FOXL3: variants seen among roughly 807,000 people sequenced by gnomAD.
FOXL3 encodes forkhead box L3.
Under a neutral mutation model 10.9 loss-of-function variants are expected in FOXL3, and 16 were observed. The ratio of observed to expected loss-of-function variants is 1.46; its 90% CI spans 0.99 to 2.22. The LOEUF (loss-of-function observed/expected upper bound fraction) is 2.22. FOXL3 is among the 30% of genes most tolerant of loss of function. The probability of loss-of-function intolerance (pLI) is 0.00; values close to 1 mark genes in which losing one functional copy is unlikely to be tolerated. For synonymous variants in FOXL3, 170 were observed against 152.0 expected (o/e 1.12, Z -0.87); for missense variants, 400 against 337.9 (o/e 1.18, Z -1.44).
chr7:291,134 G>A lies in FOXL3; in HGVS notation c.348G>A (p.Leu116=). ...YWTFAGGCES[L]LDLFENGNYR... The stretch of plus-strand genomic sequence containing the variant: ...CGTTCGCGGGCGGCTGCGAGTCGCT[G>A]CTGGACCTCTTCGAGAACGGCAACT... Residue 116 remains leucine, a synonymous_variant, in exon 3 of 3, where the codon CTG becomes CTA. Coordinates refer to ENST00000506382, the MANE Select transcript of FOXL3 (RefSeq NM_001374838.1). The A allele has an allele frequency of 2.2e-6, 3 of 1,362,702 alleles. No homozygotes were observed. The highest frequency in any genetic ancestry group is 2.8e-6 in the Non-Finnish European group (3 of 1,053,740). 84.4% of individuals were successfully genotyped at this position (1,362,702 alleles called of 1,614,324 possible).
chr7:290,858 C>T, intron 2 of FOXL3, 37 bp downstream of exon 2: 1 of 1,348,876 alleles, frequency 7.4e-7, no homozygotes, highest in Non-Finnish European at 9.5e-7. Flanking sequence ...GGTGTCCCAG[C>T]GTGGCGACAC....
Position 290,821 on chromosome 7 carries a change from G to A in FOXL3, c.276G>A (p.Lys92=). The part of the protein sequence containing the change: ...HNLSLNSCFV[K]VPRSEGHEKG... ...TGTCCCTCAACAGCTGCTTCGTCAA[G>A]GTGAGCGCCGCCCCCGACGGGCCCC... is the stretch of plus-strand genomic sequence containing the variant. The change falls in exon 2 of 3, where the codon AAG becomes AAA. Residue 92 remains lysine (K), a splice_region_variant and synonymous_variant. Coordinates refer to ENST00000506382, the MANE Select transcript of FOXL3 (RefSeq NM_001374838.1). The A allele has an allele frequency of 6.9e-7, 1 of 1,447,162 alleles. No individual in the cohort carries two copies. The highest frequency in any genetic ancestry group is 9.1e-7 in the Non-Finnish European group (1 of 1,103,492). The allele number at this position is 1,447,162 out of a possible 1,614,324, so 89.6% of individuals were successfully genotyped here. A position where few individuals can be genotyped will look rare whatever the true frequency, so the allele number is the denominator to read the frequency against.
At chr7:290,880 C>T in intron 2 of FOXL3, 59 bp downstream of exon 2, 1 of 1,335,488 alleles carries the variant, frequency 7.5e-7, no homozygotes, top group South Asian at 2.1e-5. Context: ...TGCGCCAGGG[C>T]CTCGGTGGCG....
In FOXL3 at chr7:290,181, C is replaced by T. The variant is rs574408667; in HGVS notation, c.12C>T (p.Ser4=). Residue 4 remains serine, a synonymous_variant, in exon 1 of 3, where the codon AGC becomes AGT. Coordinates refer to ENST00000506382, the MANE Select transcript of FOXL3 (RefSeq NM_001374838.1). ...CCGAGCGCGCCAGGATGTTTGACAG[C>T]TCGCAGTATCCCTACAACTGCTTCA... is the stretch of plus-strand genomic sequence containing the variant. The part of the protein sequence containing the change: MFD[S]SQYPYNCFNY... The T allele has an allele frequency of 7.8e-6, 12 of 1,535,292 alleles. No homozygotes were observed. The highest frequency in any genetic ancestry group is 5.9e-5 in the South Asian group (5 of 84,060).
In FOXL3 at chr7:291,052, C is replaced by T. The variant is rs1401970646; in HGVS notation, c.277-11C>T. On this transcript the variant is annotated splice_polypyrimidine_tract_variant and intron_variant, in intron 2 of 2. Transcript: ENST00000506382. ...CGGAGCCGCTCCCAGCCCCTCCCTC[C>T]GCGCGCGCAGGTGCCGCGGTCCGAG... 3 of 1,378,670 alleles carry T rather than the reference C, an allele frequency of 2.2e-6. No individual in the cohort carries two copies. The highest frequency in any genetic ancestry group is 3.1e-5 in the South Asian group (2 of 63,944). The allele number at this position is 1,378,670 out of a possible 1,614,324, so 85.4% of individuals were successfully genotyped here. A position where few individuals can be genotyped will look rare whatever the true frequency, so the allele number is the denominator to read the frequency against.
rs1196442905 is a variant in FOXL3 at position 291,241 on chromosome 7, G to A, written c.455G>A (p.Gly152Asp). 2.6e-6 allele frequency: 3 copies of A among 1,165,554 alleles called. No individual in the cohort carries two copies. Among genetic ancestry groups the A allele is most frequent in the African/African-American group, 1.6e-5 (1 of 61,510 alleles). 72.2% of individuals were successfully genotyped at this position (1,165,554 alleles called of 1,614,324 possible). A position where few individuals can be genotyped will look rare whatever the true frequency, so the allele number is the denominator to read the frequency against. ...GCGGGGGGCGCCCAGGGGCCGTCGG[G>A]TCCGTCCGAGCCGCCCGCCGCTCAG... is the stretch of plus-strand genomic sequence containing the variant. Reference protein sequence around the residue: ...PRAGGAQGPSGPSEPPAAQGR... With the variant: ...PRAGGAQGPSDPSEPPAAQGR... The change falls in exon 3 of 3, where the codon GGT becomes GAT. Residue 152 changes from glycine (G) to aspartate (D), a missense_variant. Physicochemically the swap from Gly to Asp is moderately conservative, Grantham distance 94 (BLOSUM62 -1). Coordinates refer to ENST00000506382, the MANE Select transcript of FOXL3 (RefSeq NM_001374838.1).
rs1401970646 is a variant in FOXL3 at position 291,052 on chromosome 7, C to A, written c.277-11C>A. On this transcript the variant is annotated splice_polypyrimidine_tract_variant and intron_variant, in intron 2 of 2. Coordinates refer to ENST00000506382, the MANE Select transcript of FOXL3 (RefSeq NM_001374838.1). ...CGGAGCCGCTCCCAGCCCCTCCCTC[C>A]GCGCGCGCAGGTGCCGCGGTCCGAG... The A allele has an allele frequency of 2.2e-6, 3 of 1,378,558 alleles. No homozygotes were observed. The highest frequency in any genetic ancestry group is 3.5e-5 in the Admixed American group (1 of 28,862). 85.4% of individuals were successfully genotyped at this position (1,378,558 alleles called of 1,614,324 possible).
At chr7:291,012 G>C in intron 2 of FOXL3, 51 bp from the exon 3 acceptor site, 1 of 1,331,364 alleles carries the variant, frequency 7.5e-7, no homozygotes, top group Non-Finnish European at 9.6e-7. Flanking sequence ...CAAGGCGGGC[G>C]GGCGCACCGT....
Position 290,747 on chromosome 7 carries a change from T to A in FOXL3, c.202T>A (p.Tyr68Asn), listed in dbSNP as rs1019030612. 3.4e-6 allele frequency: 5 copies of A among 1,489,004 alleles called. No homozygotes were observed. Among genetic ancestry groups the A allele is most frequent in the Non-Finnish European group, 1.8e-6 (2 of 1,123,952 alleles). The allele number at this position is 1,489,004 out of a possible 1,614,324, so 92.2% of individuals were successfully genotyped here. Residue 68 changes from tyrosine (Y) to asparagine (N), a missense_variant, in exon 2 of 3, where the codon TAT becomes AAT. Physicochemically the swap from Tyr to Asn is moderately radical, Grantham distance 143. Transcript: ENST00000506382. ...IYDFIMRKFP[Y>N]YRANQRAWQN... ...CGACTTCATCATGCGCAAATTCCCC[T>A]ATTACCGCGCCAACCAGCGCGCCTG... is the stretch of plus-strand genomic sequence containing the variant.
In FOXL3 at chr7:291,110, G is replaced by T; in HGVS notation, c.324G>T (p.Thr108=). The change falls in exon 3 of 3, where the codon ACG becomes ACT. Residue 108 remains threonine (T), a synonymous_variant. Coordinates refer to ENST00000506382, the MANE Select transcript of FOXL3 (RefSeq NM_001374838.1). The part of the protein sequence containing the change: ...GHEKGKGNYW[T]FAGGCESLLD... ...AGAAGGGCAAAGGCAACTACTGGAC[G>T]TTCGCGGGCGGCTGCGAGTCGCTGC... The T allele has an allele frequency of 7.1e-7, 1 of 1,416,656 alleles. No individual in the cohort carries two copies. Among genetic ancestry groups the T allele is most frequent in the African/African-American group, 1.5e-5 (1 of 66,302 alleles). The allele number at this position is 1,416,656 out of a possible 1,614,324, so 87.8% of individuals were successfully genotyped here. A position where few individuals can be genotyped will look rare whatever the true frequency, so the allele number is the denominator to read the frequency against.
chr7:290,585 C>A, intron 1 of FOXL3, 68 bp from the exon 2 acceptor site: 1 of 1,373,980 alleles, frequency 7.3e-7, no homozygotes, highest in Non-Finnish European at 9.5e-7. Context: ...CCCACGGCGT[C>A]CTGCGGGATG....
Position 291,406 on chromosome 7 carries a change from C to G in FOXL3, c.620C>G (p.Pro207Arg). Reference protein sequence around the residue: ...DYILSSPDPFPGLKPPCLAQE... With the variant: ...DYILSSPDPFRGLKPPCLAQE... ...ATCCTGTCCTCCCCAGACCCCTTCC[C>G]TGGGCTCAAGCCGCCCTGCCTCGCA... Residue 207 changes from proline (P) to arginine (R), a missense_variant, in exon 3 of 3, where the codon CCT (proline) becomes CGT (arginine). By Grantham distance (103) the Pro-to-Arg change is moderately radical (BLOSUM62 -2). Transcript: ENST00000506382. The G allele has an allele frequency of 1.6e-6, 2 of 1,275,778 alleles. No homozygotes were observed. Among genetic ancestry groups the G allele is most frequent in the South Asian group, 2.7e-5 (1 of 36,686 alleles). 79.0% of individuals were successfully genotyped at this position (1,275,778 alleles called of 1,614,324 possible).
At position 290,251 on chromosome 7, in the gene FOXL3, A is replaced by G. The variant is rs1468052841; in HGVS notation, c.82A>G (p.Lys28Glu). ...CCCCGCCGGCAGCTCCGACGAAGAC[A>G]AGAGGCTCACGCGGCCCGCGTACAG... Reference protein sequence around the residue: ...DYPAGSSDEDKRLTRPAYSYI... With the variant: ...DYPAGSSDEDERLTRPAYSYI... The change falls in exon 1 of 3, where the codon AAG (lysine) becomes GAG (glutamate). Residue 28 changes from lysine (K) to glutamate (E), a missense_variant. Coordinates refer to ENST00000506382, the MANE Select transcript of FOXL3 (RefSeq NM_001374838.1). The G allele has an allele frequency of 1.3e-6, 2 of 1,535,936 alleles. No homozygotes were observed. Among genetic ancestry groups the G allele is most frequent in the Non-Finnish European group, 1.7e-6 (2 of 1,146,770 alleles).
intron 2 of FOXL3, 69 bp from the exon 3 acceptor site, chr7:290,994 C>A: frequency 7.6e-7 from 1 of 1,311,618 alleles, no homozygotes. Context: ...CAGGGCGCCC[C>A]GAGGGGACAA....
Position 291,482 on chromosome 7 carries a change from A to G in FOXL3, c.696A>G (p.Thr232=). The G allele has an allele frequency of 8.1e-7, 1 of 1,234,406 alleles. No homozygotes were observed. Among genetic ancestry groups the G allele is most frequent in the Non-Finnish European group, 1.0e-6 (1 of 987,834 alleles). 76.5% of individuals were successfully genotyped at this position (1,234,406 alleles called of 1,614,324 possible). ...RLENVGLHFW[T]M ...AGAACGTGGGACTCCACTTTTGGAC[A>G]ATGTGATGTGGAGCCACCCTGGAGG... Residue 232 remains threonine (T), a synonymous_variant, in exon 3 of 3, where the codon ACA becomes ACG. Coordinates refer to ENST00000506382, the MANE Select transcript of FOXL3 (RefSeq NM_001374838.1).
At position 290,826 on chromosome 7, in the gene FOXL3, G is replaced by A. The variant is rs767540997; in HGVS notation, c.276+5G>A. The A allele has an allele frequency of 2.1e-6, 3 of 1,439,024 alleles. No individual in the cohort carries two copies. Among genetic ancestry groups the A allele is most frequent in the South Asian group, 1.6e-5 (1 of 63,522 alleles). 89.1% of individuals were successfully genotyped at this position (1,439,024 alleles called of 1,614,324 possible). ...CTCAACAGCTGCTTCGTCAAGGTGA[G>A]CGCCGCCCCCGACGGGCCCCGGGTG... On this transcript the variant is annotated splice_donor_5th_base_variant and intron_variant, in intron 2 of 2. Transcript: ENST00000506382.
intron 1 of FOXL3, 57 bp from the exon 2 acceptor site, chr7:290,596 G>A: frequency 7.1e-7 from 1 of 1,399,560 alleles, no homozygotes; most frequent in South Asian, 1.6e-5. Context: ...CTGCGGGATG[G>A]GGGGAAGGAC....
Position 291,299 on chromosome 7 carries a change from C to G in FOXL3, c.513C>G (p.Gly171=). Residue 171 remains glycine (G), a synonymous_variant, in exon 3 of 3, where the codon GGC becomes GGG. Coordinates refer to ENST00000506382, the MANE Select transcript of FOXL3 (RefSeq NM_001374838.1). ...TGGCCCCGGACAGCGCTGGCGAGGG[C>G]GCCCCGGGCCGTGAGCCCCCCGCCA... ...GRLAPDSAGE[G]APGREPPASP... is the part of the protein sequence containing the mutation. 8.0e-7 allele frequency: 1 copy of G among 1,244,170 alleles called. No individual in the cohort carries two copies. The highest frequency in any genetic ancestry group is 3.4e-5 in the South Asian group (1 of 29,722). 77.1% of individuals were successfully genotyped at this position (1,244,170 alleles called of 1,614,324 possible).
chr7:290,967 C>G, intron 2 of FOXL3, 96 bp from the exon 3 acceptor site: 1 of 1,277,024 alleles, frequency 7.8e-7, no homozygotes, highest in Non-Finnish European at 9.9e-7. Flanking sequence ...GCGCAGTGCG[C>G]CACCCTCGCC....
Sources: gnomAD v4.1 joint callset for allele counts on GRCh38, gnomAD v4.1.1 for gene constraint, MANE v1.5 for transcripts, NCBI Gene and HGNC (gene_info 2026-07-23, HGNC 2026-07-21) for gene names.